INTS3: variants seen among roughly 807,000 people sequenced by gnomAD.
INTS3 encodes the protein SOSS complex subunit A.
INTS3 carries 34 observed loss-of-function variants against 146.3 expected under a neutral mutation model. The ratio of observed to expected loss-of-function variants is 0.23; its 90% CI spans 0.18 to 0.31. The LOEUF (loss-of-function observed/expected upper bound fraction) is 0.31. Ranked by LOEUF, INTS3 falls within the 10% of genes least tolerant of loss-of-function variation. The pLI is 1.00. For synonymous variants in INTS3, 475 were observed against 494.9 expected (o/e 0.96, Z 0.53); for missense variants, 757 against 1,304.2 (o/e 0.58, Z 6.46).
intron 7 of INTS3, 109 bp downstream of exon 7, chr1:153,751,348 C>A: frequency 9.1e-7 from 1 of 1,096,326 alleles, no homozygotes; most frequent in Non-Finnish European, 1.3e-6. Context: ...GAAGGTGCAT[C>A]AAGATCTGGT....
chr1:153,767,860 G>T lies in INTS3; in HGVS notation c.2244+33G>T, dbSNP rs200540073. 13 of 1,565,498 alleles carry T rather than the reference G, an allele frequency of 8.3e-6. No homozygotes were observed. In the African/African-American group the frequency reaches 1.8e-4, roughly 21 times the overall value. The stretch of plus-strand genomic sequence containing the variant: ...CCTGCATCCGTATCTGTGCCGGGGG[G>T]CTCACAGGAACACACCTCAGTGAAC... On this transcript the variant is annotated intron_variant, in intron 21 of 29. Coordinates refer to ENST00000318967, the MANE Select transcript of INTS3 (RefSeq NM_023015.5).
chr1:153,770,153 TC>T, intron 23 of INTS3, 44 bp from the exon 24 acceptor site: 6 of 938,838 alleles, frequency 6.4e-6, no homozygotes, highest in African/African-American at 3.8e-5. Flanking sequence ...GTGTGTGTGT[TC>T]GTTTGTTCAT....
chr1:153,761,318 C>G, intron 13 of INTS3: 1 of 494,690 alleles, frequency 2.0e-6, no homozygotes, highest in Non-Finnish European at 3.6e-6. Flanking sequence ...TGAGACCTGC[C>G]TGGCCAACAT....
At chr1:153,764,286 C>G in intron 18 of INTS3, 65 bp downstream of exon 18, 1 of 1,049,308 alleles carries the variant, frequency 9.5e-7, no homozygotes, top group South Asian at 1.3e-5. Flanking sequence ...AGCCTGAGTC[C>G]AAGAGACCCC....
chr1:153,746,555 C>T (rs1359689002), intron 3 of INTS3, among the ~76,000 whole-genome samples: 2 of 152,192 alleles, frequency 1.3e-5, no homozygotes, highest in Admixed American at 6.5e-5. Context: ...TGCCCGCCAC[C>T]GTGCCCGGCT....
chr1:153,734,032 C>CT (rs1386520290), intron 1 of INTS3, among the ~76,000 whole-genome samples: 2 of 152,164 alleles, frequency 1.3e-5, no homozygotes, highest in Non-Finnish European at 2.9e-5. Flanking sequence ...CCTTCCCCCC[C>CT]TTTCTCCCCC....
chr1:153,753,760 A>T (rs1570860550), intron 8 of INTS3: 1 of 147,576 alleles, frequency 6.8e-6, no homozygotes, highest in South Asian at 2.2e-4. Context: ...GGTTCAAGCG[A>T]TTCTCCCGCC....
At chr1:153,764,248 A>T in intron 18 of INTS3, 27 bp downstream of exon 18, 1 of 1,492,712 alleles carries the variant, frequency 6.7e-7, no homozygotes, top group South Asian at 1.1e-5. Flanking sequence ...CTCACTCCAG[A>T]GCCTCAGGAG....
At chr1:153,753,317 G>A (rs1231202503) in intron 8 of INTS3, among the ~76,000 whole-genome samples, 1 of 151,982 alleles carries the variant, frequency 6.6e-6, no homozygotes, top group African/African-American at 2.4e-5. Context: ...CCAGCACTTT[G>A]GGAGGCCGAG....
At chr1:153,762,942 A>T (rs1029806323) in intron 15 of INTS3, 95 bp downstream of exon 15, 5 of 1,493,426 alleles carry the variant, frequency 3.3e-6, no homozygotes, top group African/African-American at 1.4e-5. Flanking sequence ...TGTCACCCTT[A>T]TTCCTGTGAG....
Position 153,772,209 on chromosome 1 carries a change from C to A in INTS3, c.2721-131C>A. ...GCACACCTTTCTCACCCAACCCCAG[C>A]CCTCCCAGGCTGCCTATCCTGTTCC... On this transcript the variant is annotated intron_variant, in intron 26 of 29. Transcript: ENST00000318967. This position sits in a 1 kb window ranked among gnomAD's most constrained non-coding sequence, Gnocchi z 4.6. 9.1e-7 allele frequency: 1 copy of A among 1,097,542 alleles called. No homozygotes were observed. The highest frequency in any genetic ancestry group is 1.3e-6 in the Non-Finnish European group (1 of 756,990). The allele number at this position is 1,097,542 out of a possible 1,614,324, so 68.0% of individuals were successfully genotyped here.
Position 153,764,678 on chromosome 1 carries a change from C to T in INTS3, c.1926-12C>T. On this transcript the variant is annotated splice_polypyrimidine_tract_variant and intron_variant, in intron 18 of 29. Coordinates refer to ENST00000318967, the MANE Select transcript of INTS3 (RefSeq NM_023015.5). ...CTCACATGGATTCTCAAATATAACC[C>T]TCTTCTTGTAGGTCCCTGGAGGAGT... The T allele has an allele frequency of 1.9e-6, 3 of 1,600,916 alleles. No homozygotes were observed. The highest frequency in any genetic ancestry group is 2.6e-6 in the Non-Finnish European group (3 of 1,168,060).
intron 5 of INTS3, 126 bp downstream of exon 5, chr1:153,747,489 T>G: frequency 1.4e-6 from 1 of 735,304 alleles, no homozygotes; most frequent in Non-Finnish European, 2.4e-6. Context: ...TTCCTTCTGA[T>G]ACAGACATCT....
chr1:153,756,020 A>G (rs1672147680), intron 9 of INTS3, among the ~76,000 whole-genome samples: 3 of 151,916 alleles, frequency 2.0e-5, no homozygotes, highest in African/African-American at 7.3e-5. Context: ...AGCCTGGGCA[A>G]CAGAGTGAAA....
At chr1:153,764,568 C>T (rs1328728565) in intron 18 of INTS3, 122 bp from the exon 19 acceptor site, 4 of 802,340 alleles carry the variant, frequency 5.0e-6, no homozygotes, top group Non-Finnish European at 9.0e-6. Context: ...GCCTGCGGAG[C>T]AGCAGGAAGT....
At chr1:153,749,546 C>T (rs903813596) in intron 6 of INTS3, among the ~76,000 whole-genome samples, 3 of 152,214 alleles carry the variant, frequency 2.0e-5, no homozygotes, top group African/African-American at 7.2e-5. Flanking sequence ...GTGTGCTGTG[C>T]TCTGCCCAGG....
At chr1:153,759,891 T>A (rs1672308321) in intron 11 of INTS3, 3 of 522,378 alleles carry the variant, frequency 5.7e-6, no homozygotes, top group Non-Finnish European at 6.8e-6. Flanking sequence ...ATGTCCTGCT[T>A]CTCCTCACCT....
rs774146677 is a variant in INTS3 at position 153,760,430 on chromosome 1, A to G, written c.1317+40A>G. 6.6e-6 allele frequency: 10 copies of G among 1,515,286 alleles called. No homozygotes were observed. In the East Asian group the frequency reaches 1.6e-4, roughly 24 times the overall value. The allele number at this position is 1,515,286 out of a possible 1,614,324, so 93.9% of individuals were successfully genotyped here. ...TCTCTTTTCTCCCCATGCCTGGATG[A>G]GCAGAATTCAGTGTATCTCCCCTAA... On this transcript the variant is annotated intron_variant, in intron 12 of 29. Transcript: ENST00000318967.
intron 14 of INTS3, 91 bp downstream of exon 14, chr1:153,761,767 C>T (rs553821773): frequency 2.8e-6 from 2 of 721,650 alleles, no homozygotes; most frequent in African/African-American, 3.5e-5. Context: ...ATGTCCCACA[C>T]AGTTCTCCAC....
Sources: allele counts gnomAD v4.1 joint callset (sites outside exome capture counted in the v4.1 genomes callset), GRCh38; gene constraint gnomAD v4.1.1; non-coding constraint Gnocchi (gnomAD v3.1); transcripts MANE v1.5; gene names NCBI Gene and HGNC (gene_info 2026-07-23, HGNC 2026-07-21).